Variants in NTMT2 observed in about 807,000 individuals in gnomAD.
NTMT2 encodes the protein X-Pro-Lys N-terminal protein methyltransferase 1B.
NTMT2 carries 21 observed loss-of-function variants against 23.4 expected under a neutral mutation model. The ratio of observed to expected loss-of-function variants is 0.90; its 90% CI spans 0.64 to 1.29. The LOEUF (loss-of-function observed/expected upper bound fraction) is 1.29, where lower values mean the gene tolerates loss of function less well. NTMT2 is among the 50% of genes most tolerant of loss of function. The pLI is 0.00. For missense variants in NTMT2, 336 were observed against 352.0 expected, an observed-to-expected ratio of 0.95 and a Z score of 0.36; for synonymous variants, 131 against 127.7, an observed-to-expected ratio of 1.03 and a Z score of -0.17.
chr1:170,165,980 A>G (rs1673370667), intron 2 of NTMT2, among the ~76,000 whole-genome samples: 2 of 151,948 alleles, frequency 1.3e-5, no homozygotes, highest in African/African-American at 2.4e-5. Context: ...AGATAATTGT[A>G]TATCTTGATT....
rs41272485 is a variant in NTMT2 at position 170,166,552 on chromosome 1, A to G, written c.381A>G (p.Ile127Met). Residue 127 changes from isoleucine (I) to methionine (M), a missense_variant, in exon 3 of 4, where the codon ATA becomes ATG. By Grantham distance (10) the Ile-to-Met change is conservative (BLOSUM62 1). Transcript: ENST00000439373. The part of the protein sequence containing the change: ...TDCALDCGSG[I>M]GRVSKHVLLP... The stretch of plus-strand genomic sequence containing the variant: ...GCGCCTTGGACTGCGGCTCCGGGAT[A>G]GGAAGGGTCAGCAAACACGTCTTAT... The G allele has an allele frequency of 0.035, 54,515 of 1,552,210 alleles. 1,074 individuals are homozygous for G. Among genetic ancestry groups the G allele is most frequent in the Non-Finnish European group, 0.04 (46,132 of 1,147,034 alleles).
rs1390790393 is a variant in NTMT2 at position 170,166,550 on chromosome 1, A to C, written c.379A>C (p.Ile127Leu). The C allele has an allele frequency of 5.2e-6, 8 of 1,552,278 alleles. No individual in the cohort carries two copies. The highest frequency in any genetic ancestry group is 7.0e-6 in the Non-Finnish European group (8 of 1,147,128). ...CTGCGCCTTGGACTGCGGCTCCGGG[A>C]TAGGAAGGGTCAGCAAACACGTCTT... The part of the protein sequence containing the change: ...TDCALDCGSG[I>L]GRVSKHVLLP... Residue 127 changes from isoleucine (I) to leucine (L), a missense_variant, in exon 3 of 4, where the codon ATA becomes CTA. Physicochemically the swap from Ile to Leu is conservative, Grantham distance 5. Coordinates refer to ENST00000439373, the MANE Select transcript of NTMT2 (RefSeq NM_001136107.2).
At chr1:170,167,354 C>A in intron 3 of NTMT2, 132 bp from the exon 4 acceptor site, 2 of 817,564 alleles carry the variant, frequency 2.4e-6, no homozygotes, top group South Asian at 1.8e-5. Context: ...CCTCCTGTAA[C>A]TAAATGAGGC....
At chr1:170,159,278 C>T (rs1232797752) in intron 1 of NTMT2, among the ~76,000 whole-genome samples, 4 of 152,070 alleles carry the variant, frequency 2.6e-5, no homozygotes, top group Admixed American at 1.3e-4. Context: ...TCTTCCTAGG[C>T]AATTTGTCTA....
chr1:170,167,028 G>C (rs1280118008), intron 3 of NTMT2, among the ~76,000 whole-genome samples: 2 of 152,176 alleles, frequency 1.3e-5, no homozygotes, highest in Non-Finnish European at 2.9e-5. Context: ...AATCCTCGAA[G>C]AAATGTAAAT....
chr1:170,148,142 C>CTTTTTTTTTTT (rs371620511), intron 1 of NTMT2, among the ~76,000 whole-genome samples: 1 of 74,568 alleles, frequency 1.3e-5, no homozygotes, highest in African/African-American at 5.6e-5. Flanking sequence ...TGAGGCACTC[C>CTTTTTTTTTTT]TTTTTTTTTT....
chr1:170,165,486 T>G (rs1194859116), intron 2 of NTMT2, among the ~76,000 whole-genome samples: 4 of 152,190 alleles, frequency 2.6e-5, no homozygotes, highest in Non-Finnish European at 5.9e-5. Context: ...CATGTGAACT[T>G]GCTGTGTGCC....
In NTMT2 at chr1:170,146,067, G is replaced by C. The variant is rs371807128; in HGVS notation, c.-41G>C. 6.6e-7 allele frequency: 1 copy of C among 1,516,060 alleles called. No homozygotes were observed. Among genetic ancestry groups the C allele is most frequent in the Non-Finnish European group, 8.9e-7 (1 of 1,129,638 alleles). The allele number at this position is 1,516,060 out of a possible 1,614,324, so 93.9% of individuals were successfully genotyped here. ...CTAATTCAAAGAAACAGCAAGGCAAGCTTCCTTTCTCTGTAGGAATCATTA... is the reference window on the plus strand; with the variant it reads ...CTAATTCAAAGAAACAGCAAGGCAACCTTCCTTTCTCTGTAGGAATCATTA... On this transcript the variant is annotated 5_prime_UTR_variant, in exon 1 of 4. Coordinates refer to ENST00000439373, the MANE Select transcript of NTMT2 (RefSeq NM_001136107.2).
Position 170,168,168 on chromosome 1 carries a change from C to T in NTMT2, c.*411C>T, listed in dbSNP as rs1673435777. ...TTTTTCCATCACAAGATGAAATCAG[C>T]ATTCTGTGCATCAAGGAAAACAAAT... On this transcript the variant is annotated 3_prime_UTR_variant, in exon 4 of 4. Coordinates refer to ENST00000439373, the MANE Select transcript of NTMT2 (RefSeq NM_001136107.2). 6.8e-6 allele frequency among the ~76,000 whole-genome samples: 1 copy of T among 146,476 alleles called. No individual in the cohort carries two copies. The highest frequency in any genetic ancestry group is 2.1e-4 in the South Asian group (1 of 4,694).
chr1:170,166,146 T>TC (rs1191695677), intron 2 of NTMT2, among the ~76,000 whole-genome samples: 5 of 137,194 alleles, frequency 3.6e-5, no homozygotes, highest in East Asian at 4.1e-4. Flanking sequence ...TTTTCTTTTT[T>TC]TTTTTTTTTT....
chr1:170,151,761 C>T (rs190468143), intron 1 of NTMT2, among the ~76,000 whole-genome samples: 133 of 152,114 alleles, frequency 8.7e-4, no homozygotes, highest in African/African-American at 2.4e-3. Flanking sequence ...AGGTTCAAGT[C>T]CCAGATCTAT....
rs1673390767 is a variant in NTMT2 at position 170,166,521 on chromosome 1, C to G, written c.350C>G (p.Thr117Arg). The change falls in exon 3 of 4, where the codon ACA becomes AGA. Residue 117 changes from threonine to arginine, a missense_variant. Coordinates refer to ENST00000439373, the MANE Select transcript of NTMT2 (RefSeq NM_001136107.2). ...KFVGGPGRAG[T>R]DCALDCGSGI... is the part of the protein sequence containing the mutation. ...CTGCAGGGGCCTGGGAGAGCTGGAA[C>G]AGACTGCGCCTTGGACTGCGGCTCC... is the stretch of plus-strand genomic sequence containing the variant. The G allele has an allele frequency of 1.9e-6, 3 of 1,552,276 alleles. No homozygotes were observed. The highest frequency in any genetic ancestry group is 2.6e-6 in the Non-Finnish European group (3 of 1,147,118).
At chr1:170,150,217 A>G (rs1003985601) in intron 1 of NTMT2, among the ~76,000 whole-genome samples, 1 of 152,082 alleles carries the variant, frequency 6.6e-6, no homozygotes, top group African/African-American at 2.4e-5. Flanking sequence ...CCAGCACGAT[A>G]TGTGGTGACA....
At position 170,166,008 on chromosome 1, in the gene NTMT2, G is replaced by A. The variant is rs1198409624; in HGVS notation, c.331-494G>A. On this transcript the variant is annotated intron_variant, in intron 2 of 3. Transcript: ENST00000439373. ...TCTTGATTGTGGTAGTAGGTGCATGGCTATTCACATTTGTCCAAAATCATC... is the reference window on the plus strand; with the variant it reads ...TCTTGATTGTGGTAGTAGGTGCATGACTATTCACATTTGTCCAAAATCATC... 2.6e-5 allele frequency among the ~76,000 whole-genome samples: 4 copies of A among 151,632 alleles called. No individual in the cohort carries two copies. The East Asian group carries it at 7.7e-4, about 29-fold the overall frequency.
chr1:170,153,392 C>G (rs942589058), intron 1 of NTMT2, among the ~76,000 whole-genome samples: 2 of 152,116 alleles, frequency 1.3e-5, no homozygotes, highest in African/African-American at 4.8e-5. Context: ...GCTCAGAAGA[C>G]AAGATGATGA....
At chr1:170,167,424 C>T in intron 3 of NTMT2, 62 bp from the exon 4 acceptor site, 1 of 1,409,056 alleles carries the variant, frequency 7.1e-7, no homozygotes, top group Non-Finnish European at 9.6e-7. Flanking sequence ...TTCTTCCCTA[C>T]TCACCTTCCA....
chr1:170,154,643 A>G (rs140190750), intron 1 of NTMT2, among the ~76,000 whole-genome samples: 1 of 152,152 alleles, frequency 6.6e-6, no homozygotes, highest in African/African-American at 2.4e-5. Context: ...CCATTGTATC[A>G]TGGAAATAAA....
Position 170,167,938 on chromosome 1 carries a change from T to A in NTMT2, c.*181T>A. The stretch of plus-strand genomic sequence containing the variant: ...CAGTGATTATATAATGCACACACTC[T>A]GATGAGACATGCACAAATTCTGTGG... On this transcript the variant is annotated 3_prime_UTR_variant, in exon 4 of 4. Coordinates refer to ENST00000439373, the MANE Select transcript of NTMT2 (RefSeq NM_001136107.2). 1.5e-6 allele frequency: 1 copy of A among 673,720 alleles called. No individual in the cohort carries two copies. The highest frequency in any genetic ancestry group is 2.4e-6 in the Non-Finnish European group (1 of 415,838). The allele number at this position is 673,720 out of a possible 1,614,324, so 41.7% of individuals were successfully genotyped here.
rs1292769827 is a variant in NTMT2 at position 170,155,232 on chromosome 1, G to A, written c.155-5286G>A. Among the ~76,000 whole-genome samples the A allele has an allele frequency of 2.0e-5, 3 of 152,072 alleles. No homozygotes were observed. In the East Asian group the frequency reaches 5.8e-4, roughly 29 times the overall value. Reference sequence around the variant, plus strand: ...GTAACACAAGAACAGCCTAACACAGGTATCATTACCTCTTTATAGAGGAAG... The same window carrying A: ...GTAACACAAGAACAGCCTAACACAGATATCATTACCTCTTTATAGAGGAAG... On this transcript the variant is annotated intron_variant, in intron 1 of 3. Transcript: ENST00000439373.
Sources: allele counts gnomAD v4.1 joint callset (sites outside exome capture counted in the v4.1 genomes callset), GRCh38; gene constraint gnomAD v4.1.1; transcripts MANE v1.5; gene names NCBI Gene and HGNC (gene_info 2026-07-23, HGNC 2026-07-21).